The following RFLNA variants were observed in gnomAD, a reference collection of about 807,000 sequenced individuals.
RFLNA encodes refilin A.
A neutral mutation model predicts 7.8 loss-of-function variants in RFLNA; 5 were observed. That is an observed-to-expected ratio of 0.64 (90% CI 0.34 to 1.35). The LOEUF (loss-of-function observed/expected upper bound fraction) is 1.35. RFLNA is among the 40% of genes most tolerant of loss of function. The pLI is 0.04. For missense variants in RFLNA, 278 were observed against 305.5 expected, an observed-to-expected ratio of 0.91 and a Z score of 0.67; for synonymous variants, 141 against 131.3, an observed-to-expected ratio of 1.07 and a Z score of -0.50.
intron 1 of RFLNA, among the ~76,000 whole-genome samples, chr12:124,307,104 G>A (rs10773083): frequency 4.6e-5 from 7 of 152,200 alleles, no homozygotes; most frequent in African/African-American, 1.4e-4. Flanking sequence ...GATGCAGACC[G>A]TGCCTCCCCA....
upstream of RFLNA, among the ~76,000 whole-genome samples, chr12:124,294,689 A>G (rs540228829): frequency 8.5e-5 from 13 of 152,382 alleles, no homozygotes; most frequent in East Asian, 2.5e-3. Flanking sequence ...AGACGCCAGT[A>G]CTAGGGCTGT....
In RFLNA at chr12:124,314,284, C is replaced by A. The variant is rs2034307278; in HGVS notation, c.410C>A (p.Thr137Asn). The A allele has an allele frequency of 6.2e-7, 1 of 1,613,524 alleles. No individual in the cohort carries two copies. Among genetic ancestry groups the A allele is most frequent in the African/African-American group, 1.3e-5 (1 of 74,948 alleles). ...CCCACCGTCACGGCCTACAGCGAGA[C>A]CATCGTGGCAGCACCCAACTGCACG... ...PVPTVTAYSE[T>N]IVAAPNCTWR... The change falls in exon 3 of 3, where the codon ACC (threonine) becomes AAC (asparagine). Residue 137 changes from threonine to asparagine, a missense_variant. Transcript: ENST00000546355.
chr12:124,307,813 G>A (rs1026487748), intron 1 of RFLNA, among the ~76,000 whole-genome samples: 1 of 152,142 alleles, frequency 6.6e-6, no homozygotes, highest in African/African-American at 2.4e-5. Flanking sequence ...GCACAGTTCC[G>A]GAGGCCAGAG....
intron 1 of RFLNA, among the ~76,000 whole-genome samples, chr12:124,311,271 C>G (rs1381587013): frequency 8.5e-6 from 1 of 117,620 alleles, no homozygotes; most frequent in Non-Finnish European, 1.8e-5. Context: ...CTGCAGACAT[C>G]TGCTATTCTG....
chr12:124,296,379 G>A (rs951077405), intron 1 of RFLNA, among the ~76,000 whole-genome samples: 1 of 150,444 alleles, frequency 6.6e-6, no homozygotes, highest in Non-Finnish European at 1.5e-5. Context: ...CCAGCTTGGC[G>A]CCTTGCCTGA....
At chr12:124,290,529 T>G (rs1285526212), upstream of RFLNA, among the ~76,000 whole-genome samples, 5 of 152,154 alleles carry the variant, frequency 3.3e-5, no homozygotes, top group East Asian at 5.8e-4. This position sits in a 1 kb window ranked among gnomAD's most constrained non-coding sequence, Gnocchi z 4.0. Context: ...TGTGTATATT[T>G]GTGTTTATGT....
chr12:124,314,560 C>T lies in RFLNA; in HGVS notation c.*35C>T, dbSNP rs780376877. 101 of 1,536,780 alleles carry T rather than the reference C, an allele frequency of 6.6e-5. No individual in the cohort carries two copies. In the South Asian group the frequency reaches 7.1e-4, roughly 11 times the overall value. On this transcript the variant is annotated 3_prime_UTR_variant, in exon 3 of 3. Transcript: ENST00000546355. ...GGCCGGCCCGGGGTGCTGGAGGAGC[C>T]GGGAGCCCTGGGGAGAAGCCGGGAG...
Position 124,289,178 on chromosome 12 carries a change from A to G in RFLNA, c.-229A>G, listed in dbSNP as rs1259535459. ...GTGTTTTCACTACACTCAGTCTCTG[A>G]TTTTATCCCTGCCCTGGCTTAATTA... On this transcript the variant is annotated 5_prime_UTR_variant, in exon 1 of 3. Coordinates refer to the RFLNA transcript ENST00000324038. This position sits in a 1 kb window ranked among gnomAD's most constrained non-coding sequence, Gnocchi z 5.0. 3.9e-5 allele frequency: 6 copies of G among 152,026 alleles called. No homozygotes were observed. The highest frequency in any genetic ancestry group is 7.4e-5 in the Non-Finnish European group (5 of 68,004). 9.4% of individuals were successfully genotyped at this position (152,026 alleles called of 1,614,324 possible).
intron 1 of RFLNA, among the ~76,000 whole-genome samples, chr12:124,305,301 G>T (rs1279402946): frequency 2.0e-5 from 3 of 152,222 alleles, no homozygotes; most frequent in Non-Finnish European, 2.9e-5. Context: ...CCATGTGGCT[G>T]CTGGCTCTGA....
intron 2 of RFLNA, among the ~76,000 whole-genome samples, chr12:124,312,868 G>A (rs2034271547): frequency 1.3e-5 from 2 of 152,138 alleles, no homozygotes; most frequent in Admixed American, 1.3e-4. Flanking sequence ...ATCCCACATC[G>A]ATTTGCCCTC....
chr12:124,292,987 G>A (rs2033846384), upstream of RFLNA, among the ~76,000 whole-genome samples: 1 of 152,184 alleles, frequency 6.6e-6, no homozygotes, highest in Admixed American at 6.5e-5. Flanking sequence ...GCAGTGGCAT[G>A]ACCTCAGCTC....
chr12:124,299,351 AT>A (rs1343955841), intron 1 of RFLNA, among the ~76,000 whole-genome samples: 1 of 152,152 alleles, frequency 6.6e-6, no homozygotes, highest in Non-Finnish European at 1.5e-5. Context: ...TTTTAAATTT[AT>A]TTTTTAATGT....
chr12:124,313,689 A>AT (rs1465098874), intron 2 of RFLNA, among the ~76,000 whole-genome samples: 1 of 152,172 alleles, frequency 6.6e-6, no homozygotes, highest in Non-Finnish European at 1.5e-5. Context: ...AAAAAAAAAA[A>AT]AAAAGGTTGC....
intron 1 of RFLNA, among the ~76,000 whole-genome samples, chr12:124,301,302 C>T (rs2034033552): frequency 6.6e-6 from 1 of 152,210 alleles, no homozygotes; most frequent in Admixed American, 6.6e-5. Flanking sequence ...GCAGGCTTAC[C>T]CAGCTGAGAA....
intron 1 of RFLNA, 68 bp downstream of exon 1, chr12:124,295,704 A>T: frequency 8.2e-7 from 1 of 1,218,232 alleles, no homozygotes; most frequent in African/African-American, 1.6e-5. Context: ...GCCCCCAGAG[A>T]CGCGCGCCAC....
At chr12:124,310,522 G>T (rs979964954) in intron 1 of RFLNA, among the ~76,000 whole-genome samples, 21 of 27,422 alleles carry the variant, frequency 7.7e-4, no homozygotes, top group South Asian at 2.6e-3. Flanking sequence ...CAGGGAGGGG[G>T]AGGTGGACTG....
chr12:124,295,638 T>C lies in RFLNA; in HGVS notation c.207+2T>C. The C allele has an allele frequency of 1.7e-6, 2 of 1,185,874 alleles. No individual in the cohort carries two copies. Among genetic ancestry groups the C allele is most frequent in the Non-Finnish European group, 2.1e-6 (2 of 958,654 alleles). The allele number at this position is 1,185,874 out of a possible 1,614,324, so 73.5% of individuals were successfully genotyped here. On this transcript the variant is annotated splice_donor_variant, in intron 1 of 2. Transcript: ENST00000546355. LOFTEE classifies it high-confidence loss of function. ...CCGGGACCCAGCGAGGCCAGAGCGG[T>C]AAGGAGGCGCTCTCTCTCCCAAACG... is the stretch of plus-strand genomic sequence containing the variant.
intron 1 of RFLNA, among the ~76,000 whole-genome samples, chr12:124,307,315 C>T (rs867951309): frequency 6.6e-6 from 1 of 152,188 alleles, no homozygotes; most frequent in Non-Finnish European, 1.5e-5. Flanking sequence ...TGGCAGCTGT[C>T]CCCTTTCCTA....
chr12:124,313,379 A>G (rs2034287624), intron 2 of RFLNA, among the ~76,000 whole-genome samples: 1 of 152,206 alleles, frequency 6.6e-6, no homozygotes, highest in African/African-American at 2.4e-5. Flanking sequence ...TATAATTTCA[A>G]ACTTTTTAAA....
Sources: allele counts gnomAD v4.1 joint callset (sites outside exome capture counted in the v4.1 genomes callset), GRCh38; gene constraint gnomAD v4.1.1; non-coding constraint Gnocchi (gnomAD v3.1); transcripts MANE v1.5; gene names NCBI Gene and HGNC (gene_info 2026-07-23, HGNC 2026-07-21).